The following EXOC2 variants were observed in gnomAD, a reference collection of about 807,000 sequenced individuals.
EXOC2 encodes the protein exocyst complex component 2, also known as SEC5-like 1.
Under a neutral mutation model 131.8 loss-of-function variants are expected in EXOC2, and 70 were observed. The ratio of observed to expected loss-of-function variants is 0.53; its 90% CI spans 0.44 to 0.65. EXOC2 has a LOEUF of 0.65. EXOC2 is among the 30% of genes least tolerant of loss of function. The pLI is 0.00. For synonymous variants in EXOC2, 411 were observed against 398.4 expected (o/e 1.03, Z -0.38); for missense variants, 923 against 1,108.6 (o/e 0.83, Z 2.38).
At chr6:643,721 AT>A (rs1215774049) in intron 1 of EXOC2, among the ~76,000 whole-genome samples, 5 of 152,108 alleles carry the variant, frequency 3.3e-5, no homozygotes, top group Admixed American at 2.0e-4. Context: ...GTGGAAACCA[AT>A]AACATAAGTA....
chr6:526,900 T>C (rs1013806115), intron 23 of EXOC2, among the ~76,000 whole-genome samples: 1 of 152,314 alleles, frequency 6.6e-6, no homozygotes, highest in Admixed American at 6.5e-5. Context: ...AGTGGCTTCA[T>C]CTATAAAATG....
chr6:551,534 C>T (rs182710892), intron 21 of EXOC2, among the ~76,000 whole-genome samples: 15 of 152,322 alleles, frequency 9.8e-5, no homozygotes, highest in Non-Finnish European at 1.9e-4. Context: ...GCTGCCGCGT[C>T]ACAGGGAGTC....
At position 486,560 on chromosome 6, in the gene EXOC2, G is replaced by C; in HGVS notation, c.*111C>G. ...TTTTCGAAGTCAGAGGAAGAAAAAA[G>C]AGAAAAATGGCAAACCCAATGTTTA... On this transcript the variant is annotated 3_prime_UTR_variant, in exon 28 of 28. Coordinates refer to ENST00000230449, the MANE Select transcript of EXOC2 (RefSeq NM_018303.6). The C allele has an allele frequency of 1.0e-6, 1 of 970,202 alleles. No homozygotes were observed. The highest frequency in any genetic ancestry group is 1.7e-5 in the South Asian group (1 of 59,188). 60.1% of individuals were successfully genotyped at this position (970,202 alleles called of 1,614,324 possible). A position where few individuals can be genotyped will look rare whatever the true frequency, so the allele number is the denominator to read the frequency against.
chr6:679,606 A>G (rs201705400), intron 1 of EXOC2: 101 of 152,318 alleles, frequency 6.6e-4, no homozygotes, highest in African/African-American at 2.3e-3. Context: ...AATGACTAAA[A>G]TAATTCAAAC....
intron 22 of EXOC2, among the ~76,000 whole-genome samples, chr6:536,941 G>A (rs551315335): frequency 2.0e-5 from 3 of 152,270 alleles, no homozygotes; most frequent in South Asian, 2.1e-4. Context: ...TCTAAAAATC[G>A]TCAATAGAAA....
At chr6:547,275 A>C (rs1201482347) in intron 22 of EXOC2, among the ~76,000 whole-genome samples, 1 of 152,232 alleles carries the variant, frequency 6.6e-6, no homozygotes, top group East Asian at 1.9e-4. Context: ...AAGGGAATGA[A>C]AAACTGGCCG....
At chr6:602,486 A>G (rs370640005) in intron 7 of EXOC2, among the ~76,000 whole-genome samples, 63 of 26,488 alleles carry the variant, frequency 2.4e-3, no homozygotes, top group East Asian at 4.3e-3. Flanking sequence ...CCCCGTGTGC[A>G]AATCCACACA....
intron 11 of EXOC2, among the ~76,000 whole-genome samples, chr6:586,525 T>C (rs953053552): frequency 2.0e-5 from 3 of 152,208 alleles, no homozygotes; most frequent in Admixed American, 1.3e-4. Flanking sequence ...TATAGCAAAA[T>C]AGCATAAAAG....
intron 19 of EXOC2, 151 bp downstream of exon 19, chr6:555,803 T>C (rs1267287339): frequency 1.4e-6 from 1 of 714,464 alleles, no homozygotes; most frequent in East Asian, 2.8e-5. Context: ...TAAACTTTGT[T>C]ACCCACTTAC....
chr6:622,208 G>A (rs1450930906), intron 4 of EXOC2, among the ~76,000 whole-genome samples: 1 of 152,182 alleles, frequency 6.6e-6, no homozygotes, highest in Non-Finnish European at 1.5e-5. Flanking sequence ...ATTCAATGTG[G>A]TGTCTCACAC....
At chr6:489,181 T>C (rs190898625) in intron 26 of EXOC2, 143 bp from the exon 27 acceptor site, 10 of 806,860 alleles carry the variant, frequency 1.2e-5, no homozygotes, top group South Asian at 6.7e-5. Context: ...TGAAAAACAA[T>C]AGAAAAAGTA....
intron 6 of EXOC2, among the ~76,000 whole-genome samples, chr6:616,464 GCA>G: frequency 1.3e-5 from 2 of 151,402 alleles, no homozygotes; most frequent in African/African-American, 4.8e-5. Flanking sequence ...TTAGCCGGGC[GCA>G]GTGGCGGGCG....
intron 1 of EXOC2, among the ~76,000 whole-genome samples, chr6:684,097 C>T (rs2127805137): frequency 6.6e-6 from 1 of 152,304 alleles, no homozygotes; most frequent in Non-Finnish European, 1.5e-5. Context: ...ACTCGGACCA[C>T]ACAGCGCCAG....
chr6:676,727 T>G (rs146700254), intron 1 of EXOC2, among the ~76,000 whole-genome samples: 2,526 of 80,096 alleles, frequency 0.032, 236 homozygotes, highest in East Asian at 0.18. Flanking sequence ...CAGGTTCCTC[T>G]GGAGACTGTG....
chr6:512,487 C>T lies in EXOC2; in HGVS notation c.2381-12787G>A, dbSNP rs185689623. 1.2e-3 allele frequency among the ~76,000 whole-genome samples: 188 copies of T among 152,260 alleles called. 1 individual carries two copies. The highest frequency in any genetic ancestry group is 1.7e-3 in the Non-Finnish European group (116 of 68,036). On this transcript the variant is annotated intron_variant, in intron 23 of 27. Coordinates refer to ENST00000230449, the MANE Select transcript of EXOC2 (RefSeq NM_018303.6). ...TTAAGAATACAGAATATAGTATATA[C>T]GTAAAATATGTAACAGACTGTTTAT...
At chr6:636,124 T>C (rs185373901) in intron 2 of EXOC2, among the ~76,000 whole-genome samples, 116 of 152,354 alleles carry the variant, frequency 7.6e-4, no homozygotes, top group African/African-American at 2.7e-3. Flanking sequence ...AAGAATAGCA[T>C]TGCCTGAAGC....
At chr6:566,233 T>C (rs1757957798) in intron 13 of EXOC2, among the ~76,000 whole-genome samples, 2 of 152,212 alleles carry the variant, frequency 1.3e-5, no homozygotes, top group African/African-American at 4.8e-5. Flanking sequence ...GGTTGATTTT[T>C]CCTTTATTTT....
intron 23 of EXOC2, among the ~76,000 whole-genome samples, chr6:518,979 C>T (rs916652257): frequency 5.8e-4 from 89 of 152,186 alleles, no homozygotes; most frequent in African/African-American, 2.0e-3. Flanking sequence ...AACTGGTATC[C>T]GTTTTGATCA....
At chr6:621,052 C>T (rs1487481792) in intron 4 of EXOC2, among the ~76,000 whole-genome samples, 3 of 152,230 alleles carry the variant, frequency 2.0e-5, no homozygotes, top group Non-Finnish European at 4.4e-5. Context: ...CTCAGTCTTA[C>T]CGCAGACACT....
Sources: allele counts gnomAD v4.1 joint callset (sites outside exome capture counted in the v4.1 genomes callset), GRCh38; gene constraint gnomAD v4.1.1; transcripts MANE v1.5; gene names NCBI Gene and HGNC (gene_info 2026-07-23, HGNC 2026-07-21).